PDE4B: variants seen among roughly 807,000 people sequenced by gnomAD.
The protein encoded by PDE4B is phosphodiesterase 4B.
A neutral mutation model predicts 82.2 loss-of-function variants in PDE4B; 20 were observed. The ratio of observed to expected loss-of-function variants is 0.24; its 90% CI spans 0.17 to 0.35. The LOEUF (loss-of-function observed/expected upper bound fraction) is 0.35. Among genes scored for constraint, PDE4B ranks in the 10% least tolerant of loss-of-function variants. The pLI, the probability that PDE4B is intolerant of heterozygous loss-of-function variation, is 1.00. For synonymous variants in PDE4B, 320 were observed against 318.9 expected (o/e 1.00, Z -0.04); for missense variants, 655 against 907.2 (o/e 0.72, Z 3.57).
intron 1 of PDE4B, among the ~76,000 whole-genome samples, chr1:65,849,048 G>A (rs903712658): frequency 1.3e-5 from 2 of 152,112 alleles, no homozygotes; most frequent in Non-Finnish European, 2.9e-5. Flanking sequence ...GCTATTAAGA[G>A]GTAAAGAGAA....
chr1:66,240,725 A>G (rs994837349), intron 3 of PDE4B, among the ~76,000 whole-genome samples: 3 of 152,174 alleles, frequency 2.0e-5, no homozygotes, highest in African/African-American at 7.2e-5. Context: ...CTTGCTAAAT[A>G]TTTGTTGAGT....
At chr1:66,141,093 G>A (rs1441942523) in intron 3 of PDE4B, among the ~76,000 whole-genome samples, 2 of 151,928 alleles carry the variant, frequency 1.3e-5, no homozygotes, top group Non-Finnish European at 2.9e-5. Flanking sequence ...ACATGCATTT[G>A]TATGTGTATG....
intron 3 of PDE4B, among the ~76,000 whole-genome samples, chr1:65,972,831 T>G (rs917674338): frequency 1.3e-5 from 2 of 152,178 alleles, no homozygotes; most frequent in Admixed American, 1.3e-4. Flanking sequence ...GAGGAGAAAA[T>G]ATACTCTACT....
chr1:66,009,304 T>C (rs1467386685), intron 3 of PDE4B, among the ~76,000 whole-genome samples: 1 of 152,196 alleles, frequency 6.6e-6, no homozygotes, highest in Non-Finnish European at 1.5e-5. Flanking sequence ...TCACCAGCTG[T>C]CGCTGTTCTG....
chr1:66,087,550 T>C (rs903591988), intron 3 of PDE4B, among the ~76,000 whole-genome samples: 5 of 152,150 alleles, frequency 3.3e-5, no homozygotes, highest in Admixed American at 6.5e-5. Context: ...TTTGGTGTTT[T>C]AGACATGAAG....
At chr1:66,257,489 C>T (rs372910642) in intron 4 of PDE4B, 158 bp from the exon 5 acceptor site, 166 of 815,528 alleles carry the variant, frequency 2.0e-4, no homozygotes, top group Non-Finnish European at 2.9e-4. Flanking sequence ...CTTGGAATAC[C>T]CTTTCGTGCC....
chr1:65,804,759 G>A (rs563158172), intron 1 of PDE4B, among the ~76,000 whole-genome samples: 2 of 152,186 alleles, frequency 1.3e-5, no homozygotes, highest in East Asian at 3.9e-4. Context: ...GCTATTCCAG[G>A]TGGGCTGGGA....
chr1:65,893,545 G>A (rs1163975717), intron 1 of PDE4B, among the ~76,000 whole-genome samples: 1 of 152,054 alleles, frequency 6.6e-6, no homozygotes, highest in African/African-American at 2.4e-5. Context: ...TACTGCTCGT[G>A]GGAATGTAAA....
At chr1:66,124,899 C>T (rs1199536956) in intron 3 of PDE4B, among the ~76,000 whole-genome samples, 3 of 132,064 alleles carry the variant, frequency 2.3e-5, no homozygotes, top group Non-Finnish European at 4.8e-5. Context: ...CTAGCCTGAA[C>T]GAGCTGTGTG....
chr1:65,900,849 C>T (rs535367614), intron 1 of PDE4B, among the ~76,000 whole-genome samples: 3 of 151,984 alleles, frequency 2.0e-5, no homozygotes, highest in African/African-American at 7.2e-5. Flanking sequence ...GTTCTAGGAA[C>T]CTTTTAGTGG....
chr1:66,246,896 A>G (rs1161866171), intron 3 of PDE4B, among the ~76,000 whole-genome samples: 1 of 152,254 alleles, frequency 6.6e-6, no homozygotes, highest in African/African-American at 2.4e-5. Flanking sequence ...ATTAAATCTC[A>G]GGCTGGGCCT....
At chr1:65,795,337 G>T (rs1272528786) in intron 1 of PDE4B, among the ~76,000 whole-genome samples, 1 of 152,218 alleles carries the variant, frequency 6.6e-6, no homozygotes, top group African/African-American at 2.4e-5. Context: ...TTATTATCAT[G>T]TCATACAATT....
chr1:65,807,225 G>C (rs1387543871), intron 1 of PDE4B, among the ~76,000 whole-genome samples: 1 of 152,114 alleles, frequency 6.6e-6, no homozygotes, highest in East Asian at 1.9e-4. Context: ...GAAGCAGTGG[G>C]AAACATTTCT....
intron 1 of PDE4B, among the ~76,000 whole-genome samples, chr1:65,895,229 C>A (rs963618838): frequency 2.0e-5 from 3 of 151,952 alleles, no homozygotes; most frequent in Non-Finnish European, 2.9e-5. Flanking sequence ...AGTTTCAATA[C>A]CATTTTTACT....
chr1:65,836,088 C>T (rs1396938102), intron 1 of PDE4B, among the ~76,000 whole-genome samples: 2 of 152,062 alleles, frequency 1.3e-5, no homozygotes, highest in Admixed American at 6.6e-5. Flanking sequence ...ACTACAGGCA[C>T]ACACCACCAC....
At chr1:66,020,838 G>A (rs1653062041) in intron 3 of PDE4B, among the ~76,000 whole-genome samples, 1 of 152,156 alleles carries the variant, frequency 6.6e-6, no homozygotes, top group Non-Finnish European at 1.5e-5. Flanking sequence ...CCCAGTAACG[G>A]GATGGCTGGG....
chr1:65,957,215 C>T (rs1256814598), intron 3 of PDE4B, among the ~76,000 whole-genome samples: 1 of 151,828 alleles, frequency 6.6e-6, no homozygotes, highest in African/African-American at 2.4e-5. Flanking sequence ...AGTTGAATTT[C>T]ATCACCCTTT....
At chr1:65,946,116 C>G (rs1648698415) in intron 3 of PDE4B, among the ~76,000 whole-genome samples, 1 of 151,978 alleles carries the variant, frequency 6.6e-6, no homozygotes, top group Admixed American at 6.6e-5. Flanking sequence ...ATCAACAGGT[C>G]ACAGGAAACC....
At chr1:65,819,504 G>GT (rs35338207) in intron 1 of PDE4B, among the ~76,000 whole-genome samples, 7,472 of 114,034 alleles carry the variant, frequency 0.066, 543 homozygotes, top group African/African-American at 0.17. Context: ...TTTTTGTTTT[G>GT]TTTTTTTTTT....
Sources: allele counts gnomAD v4.1 joint callset (sites outside exome capture counted in the v4.1 genomes callset), GRCh38; gene constraint gnomAD v4.1.1; transcripts MANE v1.5; gene names NCBI Gene and HGNC (gene_info 2026-07-23, HGNC 2026-07-21).